The following KANK4 variants were observed in gnomAD, a reference collection of about 807,000 sequenced individuals.
KANK4 encodes the protein KN motif and ankyrin repeat domain-containing protein 4.
Under a neutral mutation model 80.8 loss-of-function variants are expected in KANK4, and 50 were observed. The observed-to-expected ratio is 0.62, with a 90% CI of 0.49 to 0.78. The LOEUF (loss-of-function observed/expected upper bound fraction) is 0.78, where lower values mean the gene tolerates loss of function less well. Among genes scored for constraint, KANK4 ranks in the 30% least tolerant of loss-of-function variants. The pLI is 0.00. For missense variants in KANK4, 1,196 were observed against 1,240.1 expected (o/e 0.96, Z 0.53); for synonymous variants, 465 against 506.9 (o/e 0.92, Z 1.11).
At chr1:62,277,795 C>T (rs1672345629) in intron 2 of KANK4, among the ~76,000 whole-genome samples, 1 of 152,088 alleles carries the variant, frequency 6.6e-6, no homozygotes, top group African/African-American at 2.4e-5. Flanking sequence ...ACAGGAGGGA[C>T]CCCAAGTGAG....
intron 1 of KANK4, among the ~76,000 whole-genome samples, chr1:62,311,613 G>A (rs901353444): frequency 2.6e-5 from 4 of 152,102 alleles, no homozygotes; most frequent in African/African-American, 9.7e-5. Flanking sequence ...ACTGGATCAA[G>A]GGATTCATCA....
intron 1 of KANK4, among the ~76,000 whole-genome samples, chr1:62,305,531 G>C (rs1052252397): frequency 6.6e-6 from 1 of 152,032 alleles, no homozygotes; most frequent in Admixed American, 6.6e-5. Flanking sequence ...GGCTGGTCTT[G>C]AACTCCTGAC....
intron 1 of KANK4, among the ~76,000 whole-genome samples, chr1:62,316,109 G>A (rs1107694): frequency 6.6e-6 from 1 of 152,162 alleles, no homozygotes; most frequent in South Asian, 2.1e-4. Context: ...CCTTTGACAA[G>A]GTCAATAGCT....
chr1:62,271,834 C>A (rs545564044), intron 3 of KANK4: 20 of 418,788 alleles, frequency 4.8e-5, no homozygotes, highest in African/African-American at 3.0e-4. Flanking sequence ...AACCATGTGG[C>A]GTAGGTGCCA....
chr1:62,266,590 CACTGT>C (rs1672026627), intron 6 of KANK4, 137 bp downstream of exon 6: 3 of 646,034 alleles, frequency 4.6e-6, no homozygotes, highest in Admixed American at 5.2e-5. Context: ...TACTGCCTCA[CACTGT>C]AAACTGCACA....
chr1:62,273,418 C>T lies in KANK4; in HGVS notation c.1686G>A (p.Gln562=), dbSNP rs754599141. Residue 562 remains glutamine (Q), a synonymous_variant, in exon 3 of 10, where the codon CAG becomes CAA. Transcript: ENST00000371153. ...GGAGCTCCTGGATCTTCTTCACATA[C>T]TGCCCAATAGTGGCATCCGTTGGCG... The part of the protein sequence containing the change: ...PSSPTDATIG[Q]YVKKIQELLQ... 2 of 1,612,070 alleles carry T rather than the reference C, an allele frequency of 1.2e-6. No homozygotes were observed. The highest frequency in any genetic ancestry group is 1.1e-5 in the South Asian group (1 of 90,718).
intron 7 of KANK4, among the ~76,000 whole-genome samples, chr1:62,259,950 G>A (rs1184684087): frequency 6.6e-6 from 1 of 151,880 alleles, no homozygotes; most frequent in Non-Finnish European, 1.5e-5. Flanking sequence ...ATTTGACCGA[G>A]GCCCATGCAC....
At chr1:62,288,177 A>G (rs1672609510) in intron 1 of KANK4, among the ~76,000 whole-genome samples, 1 of 152,238 alleles carries the variant, frequency 6.6e-6, no homozygotes, top group Non-Finnish European at 1.5e-5. Context: ...CCTGAACCAA[A>G]CATGTTTATC....
At chr1:62,281,345 G>C (rs1043037526) in intron 2 of KANK4, among the ~76,000 whole-genome samples, 5 of 152,184 alleles carry the variant, frequency 3.3e-5, no homozygotes, top group African/African-American at 1.2e-4. Context: ...GGTATAAATG[G>C]AGGCTTACCA....
intron 7 of KANK4, among the ~76,000 whole-genome samples, chr1:62,260,978 C>T (rs568900431): frequency 6.6e-6 from 1 of 152,264 alleles, no homozygotes; most frequent in African/African-American, 2.4e-5. Context: ...AGCCTTTGCA[C>T]ATTTCCGCAG....
intron 1 of KANK4, among the ~76,000 whole-genome samples, chr1:62,307,806 T>A (rs559970645): frequency 3.9e-5 from 6 of 152,050 alleles, no homozygotes; most frequent in Admixed American, 3.9e-4. Flanking sequence ...TTATGTAAAA[T>A]CTGATTTTTA....
intron 1 of KANK4, among the ~76,000 whole-genome samples, chr1:62,309,820 C>A (rs1326711863): frequency 6.6e-6 from 1 of 152,164 alleles, no homozygotes; most frequent in African/African-American, 2.4e-5. Flanking sequence ...TTAACAAGAG[C>A]TGCCTGGAGA....
chr1:62,310,459 C>T (rs1449941282), intron 1 of KANK4, among the ~76,000 whole-genome samples: 1 of 151,920 alleles, frequency 6.6e-6, no homozygotes, highest in Non-Finnish European at 1.5e-5. Context: ...GTGACGGAGA[C>T]CAGAAAAGGG....
chr1:62,250,057 C>T (rs750361771), intron 8 of KANK4, among the ~76,000 whole-genome samples: 1 of 152,072 alleles, frequency 6.6e-6, no homozygotes, highest in African/African-American at 2.4e-5. Context: ...GTGATCTTGG[C>T]TCACTGCAAT....
chr1:62,299,955 C>T (rs1358127606), intron 1 of KANK4, among the ~76,000 whole-genome samples: 8 of 152,100 alleles, frequency 5.3e-5, no homozygotes, highest in South Asian at 2.1e-4. Flanking sequence ...CCCAGCCCCT[C>T]GGCATGTGTG....
At chr1:62,261,445 C>A (rs1049730813) in intron 7 of KANK4, among the ~76,000 whole-genome samples, 1 of 151,876 alleles carries the variant, frequency 6.6e-6, no homozygotes, top group Non-Finnish European at 1.5e-5. Flanking sequence ...CAGGCGTGAG[C>A]CACCATGCCT....
intron 1 of KANK4, among the ~76,000 whole-genome samples, chr1:62,305,060 A>T (rs1644440033): frequency 1.3e-5 from 2 of 152,230 alleles, no homozygotes; most frequent in Non-Finnish European, 1.5e-5. Context: ...AGGAGGGTGC[A>T]GGAAGGAGGT....
rs1671246838 is a variant in KANK4 at position 62,238,084 on chromosome 1, G to A, written c.*193C>T. On this transcript the variant is annotated 3_prime_UTR_variant, in exon 10 of 10. Transcript: ENST00000371153. ...GCTCTGAAGCCCGTGTAGTTTTCAGGCTTGGCCTAAGGCAAAAACTACAAA... is the reference window on the plus strand; with the variant it reads ...GCTCTGAAGCCCGTGTAGTTTTCAGACTTGGCCTAAGGCAAAAACTACAAA... The A allele has an allele frequency of 5.8e-6, 3 of 520,624 alleles. No individual in the cohort carries two copies. Among genetic ancestry groups the A allele is most frequent in the Admixed American group, 6.3e-5 (2 of 31,650 alleles). 32.3% of individuals were successfully genotyped at this position (520,624 alleles called of 1,614,324 possible).
chr1:62,312,419 A>G (rs1644504784), intron 1 of KANK4, among the ~76,000 whole-genome samples: 1 of 151,988 alleles, frequency 6.6e-6, no homozygotes, highest in South Asian at 2.1e-4. Context: ...AAGTTTACAG[A>G]CTCCTCTGAA....
Sources: allele counts gnomAD v4.1 joint callset (sites outside exome capture counted in the v4.1 genomes callset), GRCh38; gene constraint gnomAD v4.1.1; transcripts MANE v1.5; gene names NCBI Gene and HGNC (gene_info 2026-07-23, HGNC 2026-07-21).